Variants in LINGO1 observed in about 807,000 individuals in gnomAD.
LINGO1 encodes the protein leucine rich repeat and Ig domain containing 1.
A neutral mutation model predicts 37.3 loss-of-function variants in LINGO1; 11 were observed. That is an observed-to-expected ratio of 0.29 (90% CI 0.19 to 0.49). The LOEUF is 0.49. LINGO1 is among the 20% of genes least tolerant of loss of function. LINGO1 has a pLI of 0.99. For missense variants in LINGO1, 585 were observed against 878.2 expected, an observed-to-expected ratio of 0.67 and a Z score of 4.22; for synonymous variants, 387 against 403.0, an observed-to-expected ratio of 0.96 and a Z score of 0.48.
chr15:77,681,424 T>C (rs1307032991), intron 2 of LINGO1, among the ~76,000 whole-genome samples: 2 of 152,098 alleles, frequency 1.3e-5, no homozygotes, highest in African/African-American at 4.8e-5. Context: ...GCTCAGACTC[T>C]CAGCTCCAAA....
At chr15:77,803,628 G>T (rs1365397497) in intron 1 of LINGO1, among the ~76,000 whole-genome samples, 1 of 152,136 alleles carries the variant, frequency 6.6e-6, no homozygotes, top group Non-Finnish European at 1.5e-5. Context: ...GATCCCTCAT[G>T]ACTTGGTGCT....
intron 3 of LINGO1, among the ~76,000 whole-genome samples, chr15:77,669,786 A>G (rs2075215242): frequency 6.6e-6 from 1 of 152,386 alleles, no homozygotes; most frequent in African/African-American, 2.4e-5. Flanking sequence ...GGCAGAACTC[A>G]CAAACTGGAG....
rs866132976 is a variant in LINGO1 at position 77,615,861 on chromosome 15, G to A, written c.46C>T (p.Pro16Ser). The A allele has an allele frequency of 6.7e-7, 1 of 1,488,298 alleles. No individual in the cohort carries two copies. Among genetic ancestry groups the A allele is most frequent in the East Asian group, 2.4e-5 (1 of 42,518 alleles). The allele number at this position is 1,488,298 out of a possible 1,614,324, so 92.2% of individuals were successfully genotyped here. A position where few individuals can be genotyped will look rare whatever the true frequency, so the allele number is the denominator to read the frequency against. ...RMLAGGVRSM[P>S]SPLLACWQPI... The stretch of plus-strand genomic sequence containing the variant: ...TGCCAGCAGGCCAGGAGGGGGCTGG[G>A]CATGCTCCTCACGCCCCCCGCCAGC... Residue 16 changes from proline (P) to serine (S), a missense_variant, in exon 2 of 2, where the codon CCC becomes TCC. Around this residue, in one of 4 missense-constraint regions of LINGO1, gnomAD observed 65 missense variants for 57.0 expected, o/e 1.14. Transcript: ENST00000355300.
intron 1 of LINGO1, among the ~76,000 whole-genome samples, chr15:77,814,471 C>G (rs1282948564): frequency 6.6e-6 from 1 of 152,300 alleles, no homozygotes; most frequent in African/African-American, 2.4e-5. Flanking sequence ...AATAATAAGG[C>G]TCCTCTTTAC....
At chr15:77,788,447 A>G (rs2076792827), upstream of LINGO1, 1 of 152,170 alleles carries the variant, frequency 6.6e-6, no homozygotes, top group Non-Finnish European at 1.5e-5. Flanking sequence ...GAAATTGTCT[A>G]AATTCACACC....
At chr15:77,723,084 A>C (rs1844455374) in intron 2 of LINGO1, among the ~76,000 whole-genome samples, 1 of 152,070 alleles carries the variant, frequency 6.6e-6, no homozygotes, top group South Asian at 2.1e-4. Flanking sequence ...TCTGAGCTCT[A>C]GTTTTCTGTC....
At chr15:77,736,902 C>A (rs1056247774) in intron 1 of LINGO1, among the ~76,000 whole-genome samples, 2 of 152,344 alleles carry the variant, frequency 1.3e-5, no homozygotes, top group Admixed American at 6.5e-5. Flanking sequence ...AAGTTTGGAT[C>A]TGGGCTGTGA....
chr15:77,683,109 T>C (rs945111245), intron 2 of LINGO1, among the ~76,000 whole-genome samples: 2 of 152,158 alleles, frequency 1.3e-5, no homozygotes, highest in Non-Finnish European at 2.9e-5. Context: ...GAAACACCCA[T>C]GGGCAAAAAC....
At chr15:77,672,839 G>A (rs2075273529) in intron 3 of LINGO1, among the ~76,000 whole-genome samples, 1 of 152,086 alleles carries the variant, frequency 6.6e-6, no homozygotes, top group Non-Finnish European at 1.5e-5. Flanking sequence ...AGGTAACTGT[G>A]TCAGCTTCCA....
At chr15:77,679,386 A>G (rs935600631) in intron 2 of LINGO1, among the ~76,000 whole-genome samples, 1 of 152,198 alleles carries the variant, frequency 6.6e-6, no homozygotes, top group African/African-American at 2.4e-5. Context: ...TTCCCCCAAT[A>G]CCTAGAATAG....
At chr15:77,646,537 A>G (rs569525278) in intron 3 of LINGO1, 1 of 430,522 alleles carries the variant, frequency 2.3e-6, no homozygotes, top group Non-Finnish European at 4.7e-6. Flanking sequence ...GGTGTGGCAC[A>G]CACAGGCAGG....
At chr15:77,783,612 A>G (rs1381948510) in intron 1 of LINGO1, among the ~76,000 whole-genome samples, 4 of 152,196 alleles carry the variant, frequency 2.6e-5, no homozygotes, top group Admixed American at 2.6e-4. Flanking sequence ...CGTCCATTTA[A>G]TGGGGATAAT....
chr15:77,694,989 G>C (rs1055229142), intron 1 of LINGO1, among the ~76,000 whole-genome samples: 1 of 150,518 alleles, frequency 6.6e-6, no homozygotes, highest in Admixed American at 6.6e-5. Flanking sequence ...CTGAACACTC[G>C]GGATAATCTT....
chr15:77,715,211 A>T (rs920378444), intron 2 of LINGO1, among the ~76,000 whole-genome samples: 4 of 151,988 alleles, frequency 2.6e-5, no homozygotes, highest in African/African-American at 9.7e-5. Flanking sequence ...CCTTTCACAC[A>T]TCCATGGGGC....
chr15:77,753,347 T>C (rs1158800594), intron 1 of LINGO1, among the ~76,000 whole-genome samples: 1 of 152,204 alleles, frequency 6.6e-6, no homozygotes, highest in Non-Finnish European at 1.5e-5. Context: ...GGCATTCTCC[T>C]GGCTTTGGTG....
chr15:77,773,439 C>T (rs1218956444), intron 1 of LINGO1, among the ~76,000 whole-genome samples: 1 of 152,182 alleles, frequency 6.6e-6, no homozygotes, highest in Admixed American at 6.5e-5. Flanking sequence ...ACAGATGAGG[C>T]TGGTCGCAGT....
chr15:77,709,131 G>C (rs1240501166), intron 2 of LINGO1, among the ~76,000 whole-genome samples: 1 of 152,208 alleles, frequency 6.6e-6, no homozygotes, highest in Non-Finnish European at 1.5e-5. Context: ...CTGTGAGAGA[G>C]TAATTTCTAT....
At chr15:77,623,943 G>A (rs552998091) in intron 1 of LINGO1, among the ~76,000 whole-genome samples, 4 of 149,610 alleles carry the variant, frequency 2.7e-5, no homozygotes, top group Non-Finnish European at 4.5e-5. Context: ...CTGTGTATGT[G>A]TGGTGTGTAA....
At chr15:77,716,664 A>C (rs930707311) in intron 2 of LINGO1, among the ~76,000 whole-genome samples, 2 of 149,416 alleles carry the variant, frequency 1.3e-5, no homozygotes, top group Non-Finnish European at 3.0e-5. Flanking sequence ...CTGTCTCCCA[A>C]CTCTCCTCCT....
Sources: allele counts gnomAD v4.1 joint callset (sites outside exome capture counted in the v4.1 genomes callset), GRCh38; gene constraint gnomAD v4.1.1; regional missense constraint gnomAD v4.1.1; transcripts MANE v1.5; gene names NCBI Gene and HGNC (gene_info 2026-07-23, HGNC 2026-07-21).